The following PCNT variants were observed in gnomAD, a reference collection of about 807,000 sequenced individuals.
PCNT encodes kendrin.
In PCNT, 319 loss-of-function variants were observed where a neutral mutation model predicts 380.4. The ratio of observed to expected loss-of-function variants is 0.84; its 90% CI spans 0.77 to 0.92. PCNT has a LOEUF of 0.92. Ranked by LOEUF, PCNT falls within the 40% of genes least tolerant of loss-of-function variation. The pLI, the probability that PCNT is intolerant of heterozygous loss-of-function variation, is 0.00. For missense variants in PCNT, 4,400 were observed against 4,255.3 expected, an observed-to-expected ratio of 1.03 and a Z score of -0.95; for synonymous variants, 1,845 against 1,735.2, an observed-to-expected ratio of 1.06 and a Z score of -1.57.
chr21:46,374,208 C>T (rs916075757), intron 15 of PCNT, among the ~76,000 whole-genome samples: 1 of 152,072 alleles, frequency 6.6e-6, no homozygotes, highest in Non-Finnish European at 1.5e-5. Flanking sequence ...GTGGGGTGCA[C>T]GTTCAATACA....
chr21:46,373,431 CTTTTTTTTT>C (rs35866515), intron 15 of PCNT, among the ~76,000 whole-genome samples: 1 of 116,652 alleles, frequency 8.6e-6, no homozygotes, highest in South Asian at 2.9e-4. Context: ...TGTCAATACT[CTTTTTTTTT>C]TTTTTTTTTT....
At chr21:46,418,806 G>A (rs188957586) in intron 31 of PCNT, among the ~76,000 whole-genome samples, 14 of 152,370 alleles carry the variant, frequency 9.2e-5, no homozygotes, top group Admixed American at 8.5e-4. Flanking sequence ...GAGGAGCCGA[G>A]GGGCCGCTGA....
rs769644252 is a variant in PCNT at position 46,367,133 on chromosome 21, G to C, written c.3159G>C (p.Val1053=). 1 of 1,612,270 alleles carries C rather than the reference G, an allele frequency of 6.2e-7. No homozygotes were observed. Among genetic ancestry groups the C allele is most frequent in the Admixed American group, 1.7e-5 (1 of 60,012 alleles). Residue 1053 remains valine (V), a synonymous_variant, in exon 15 of 47, where the codon GTG becomes GTC. Coordinates refer to ENST00000359568, the MANE Select transcript of PCNT (RefSeq NM_006031.6). ...CCGTGGCTCACGAGCTGCAGGGAGT[G>C]CACCAGGTAAGGCGCCAGGGCCCTG... The part of the protein sequence containing the change: ...AGTVAHELQG[V]HQGEFGSEKK...
chr21:46,409,189 A>ATT (rs2086707605), intron 27 of PCNT, among the ~76,000 whole-genome samples: 1 of 93,436 alleles, frequency 1.1e-5, no homozygotes, highest in East Asian at 3.6e-4. Flanking sequence ...AAAACTTTTT[A>ATT]CTTTTTTTTT....
intron 27 of PCNT, among the ~76,000 whole-genome samples, chr21:46,406,818 C>A (rs1198625503): frequency 3.3e-5 from 5 of 152,168 alleles, no homozygotes; most frequent in Non-Finnish European, 7.4e-5. Context: ...TGATATTTTT[C>A]TCTTTTATTC....
intron 13 of PCNT, among the ~76,000 whole-genome samples, chr21:46,358,905 A>G (rs2084582053): frequency 6.6e-6 from 1 of 151,616 alleles, no homozygotes; most frequent in Admixed American, 6.6e-5. Flanking sequence ...GGTTCATGCC[A>G]TTCTCCTGCC....
rs200431921 is a variant in PCNT at position 46,442,522 on chromosome 21, C to G, written c.9649C>G (p.Gln3217Glu). The change falls in exon 44 of 47, where the codon CAA (glutamine) becomes GAA (glutamate). Residue 3217 changes from glutamine (Q) to glutamate (E), a missense_variant. Physicochemically the swap from Gln to Glu is conservative, Grantham distance 29. Coordinates refer to ENST00000359568, the MANE Select transcript of PCNT (RefSeq NM_006031.6). ...ATTACGTTTTTTGGTTAAGAAATGG[C>G]AAGAAGTAGATCGGAAAGGAGCTCT... ...LRLRFLVKKW[Q>E]EVDRKGALAQ... 145 of 1,611,702 alleles carry G rather than the reference C, an allele frequency of 9.0e-5. No individual in the cohort carries two copies. The highest frequency in any genetic ancestry group is 1.2e-4 in the Non-Finnish European group (140 of 1,178,078).
In PCNT at chr21:46,443,847, C is replaced by G. The variant is rs973975826; in HGVS notation, c.9738C>G (p.Thr3246=). The change falls in exon 45 of 47, where the codon ACC becomes ACG. Residue 3246 remains threonine (T), a synonymous_variant. Transcript: ENST00000359568. ...RARQPQSPPR[T]RESPPTRDVP... is the part of the protein sequence containing the mutation. ...GACAGCCGCAGTCTCCACCCAGAAC[C>G]AGAGAGTCCCCCCCAACCCGGGATG... 6 of 1,613,396 alleles carry G rather than the reference C, an allele frequency of 3.7e-6. No homozygotes were observed. The highest frequency in any genetic ancestry group is 1.1e-5 in the South Asian group (1 of 91,052).
intron 32 of PCNT, among the ~76,000 whole-genome samples, chr21:46,424,906 G>A (rs958879564): frequency 2.0e-5 from 3 of 152,066 alleles, no homozygotes; most frequent in South Asian, 4.1e-4. Flanking sequence ...GTGCAATTTG[G>A]TTTCACACTT....
At chr21:46,443,735 T>C in intron 44 of PCNT, 75 bp from the exon 45 acceptor site, 1 of 1,415,890 alleles carries the variant, frequency 7.1e-7, no homozygotes. Flanking sequence ...GTTTAAACTG[T>C]TGATAGATGG....
intron 27 of PCNT, among the ~76,000 whole-genome samples, chr21:46,407,827 C>T (rs558737441): frequency 1.3e-5 from 2 of 152,272 alleles, no homozygotes; most frequent in African/African-American, 4.8e-5. Flanking sequence ...TTCAAAGAAT[C>T]AGCTTTTGGC....
intron 27 of PCNT, among the ~76,000 whole-genome samples, chr21:46,408,719 G>GTTTTT (rs34814770): frequency 1.8e-5 from 2 of 110,570 alleles, no homozygotes; most frequent in African/African-American, 3.6e-5. Context: ...CTTTCAGAAA[G>GTTTTT]TTTTTTTTTT....
In PCNT at chr21:46,390,574, GA is replaced by G. The variant is rs1216697799; in HGVS notation, c.3841-94del. 6 of 1,359,096 alleles carry G rather than the reference GA, an allele frequency of 4.4e-6. No homozygotes were observed. The East Asian group carries it at 1.2e-4, about 26-fold the overall frequency. 84.2% of individuals were successfully genotyped at this position (1,359,096 alleles called of 1,614,324 possible). ...GGCCCTGCCTGGGTGGTGACGGCCT[GA>G]AGGGTCTGGGGGTAGAAGTGGCGTT... On this transcript the variant is annotated intron_variant, in intron 19 of 46. Coordinates refer to ENST00000359568, the MANE Select transcript of PCNT (RefSeq NM_006031.6).
intron 20 of PCNT, 117 bp downstream of exon 20, chr21:46,390,949 C>A: frequency 1.5e-6 from 2 of 1,323,368 alleles, no homozygotes; most frequent in Non-Finnish European, 1.1e-6. Context: ...AAAAACAAAG[C>A]CAACATGGGA....
intron 16 of PCNT, among the ~76,000 whole-genome samples, chr21:46,383,813 G>T (rs1345590648): frequency 7.1e-6 from 1 of 140,282 alleles, no homozygotes; most frequent in African/African-American, 2.6e-5. Flanking sequence ...CGCATTCACG[G>T]TGTTGTGCGT....
chr21:46,326,654 AC>A, intron 2 of PCNT, 65 bp downstream of exon 2: 7 of 1,501,134 alleles, frequency 4.7e-6, no homozygotes, highest in Non-Finnish European at 9.3e-7. Flanking sequence ...AGTGTGATTT[AC>A]TAAAGATGGT....
At position 46,429,417 on chromosome 21, in the gene PCNT, G is replaced by T. The variant is rs2087654056; in HGVS notation, c.7691-593G>T. Among the ~76,000 whole-genome samples, 3 of 144,072 alleles carry T rather than the reference G, an allele frequency of 2.1e-5. No individual in the cohort carries two copies. In the South Asian group the frequency reaches 6.7e-4, roughly 32 times the overall value. The allele number at this position is 144,072 out of a possible 152,430, so 94.5% of individuals were successfully genotyped here. The stretch of plus-strand genomic sequence containing the variant: ...GAGCGCTCGTGAGGGGCATGGGGGG[G>T]CTGGCGCTGTGCACGTGCTCGTGAG... On this transcript the variant is annotated intron_variant, in intron 35 of 46. Coordinates refer to ENST00000359568, the MANE Select transcript of PCNT (RefSeq NM_006031.6).
chr21:46,386,228 C>T (rs1045289179), intron 17 of PCNT, among the ~76,000 whole-genome samples: 5 of 152,218 alleles, frequency 3.3e-5, no homozygotes, highest in Non-Finnish European at 5.9e-5. Context: ...CCTGCTGTGT[C>T]TCATTTCCCC....
Position 46,366,627 on chromosome 21 carries a change from G to C in PCNT, c.2653G>C (p.Glu885Gln). 1.9e-6 allele frequency: 3 copies of C among 1,614,102 alleles called. No homozygotes were observed. Among genetic ancestry groups the C allele is most frequent in the South Asian group, 1.1e-5 (1 of 91,052 alleles). The change falls in exon 15 of 47, where the codon GAA becomes CAA. Residue 885 changes from glutamate (E) to glutamine (Q), a missense_variant. Coordinates refer to ENST00000359568, the MANE Select transcript of PCNT (RefSeq NM_006031.6). ...AGAGATCACCGAGAAATTCAGTGCG[G>C]AACAAGATGCCTTCCTGCAGGAGGC... ...RKEITEKFSA[E>Q]QDAFLQEAQE...
Sources: allele counts gnomAD v4.1 joint callset (sites outside exome capture counted in the v4.1 genomes callset), GRCh38; gene constraint gnomAD v4.1.1; transcripts MANE v1.5; gene names NCBI Gene and HGNC (gene_info 2026-07-23, HGNC 2026-07-21).